Variants in CORO7 observed in about 807,000 individuals in gnomAD.
CORO7 encodes coronin 7.
Under a neutral mutation model 126.6 loss-of-function variants are expected in CORO7, and 107 were observed. The ratio of observed to expected loss-of-function variants is 0.85; its 90% CI spans 0.72 to 0.99. CORO7 has a LOEUF of 0.99. Among genes scored for constraint, CORO7 ranks in the 50% least tolerant of loss-of-function variants. The probability of loss-of-function intolerance (pLI) is 0.00; values close to 1 mark genes in which losing one functional copy is unlikely to be tolerated. For missense variants in CORO7, 1,314 were observed against 1,255.8 expected, an observed-to-expected ratio of 1.05 and a Z score of -0.70; for synonymous variants, 603 against 536.8, an observed-to-expected ratio of 1.12 and a Z score of -1.70.
At position 4,388,084 on chromosome 16, in the gene CORO7, G is replaced by GAGAGGGGATC. The variant is rs2055257586; in HGVS notation, c.703-17_703-16insGATCCCCTCT. 5.6e-6 allele frequency: 9 copies of GAGAGGGGATC among 1,607,452 alleles called. No homozygotes were observed. Among genetic ancestry groups the GAGAGGGGATC allele is most frequent in the Non-Finnish European group, 7.6e-6 (9 of 1,177,460 alleles). ...GCTCACGCATCTGCAGGGAGGGCGA[G>GAGAGGGGATC]AGAGGGGCTCAGAGGGGCCTGTCCC... On this transcript the variant is annotated splice_polypyrimidine_tract_variant and intron_variant, in intron 8 of 27. Transcript: ENST00000251166.
At chr16:4,367,918 G>C (rs965488454) in intron 9 of CORO7, among the ~76,000 whole-genome samples, 2 of 152,174 alleles carry the variant, frequency 1.3e-5, no homozygotes, top group African/African-American at 4.8e-5. Flanking sequence ...GGCTAGGCCA[G>C]GCCTAGTGAC....
At chr16:4,410,948 G>C (rs2056183179) in intron 3 of CORO7, among the ~76,000 whole-genome samples, 2 of 152,238 alleles carry the variant, frequency 1.3e-5, no homozygotes, top group African/African-American at 4.8e-5. Context: ...CTGCCACAGA[G>C]GCAGGAAGCA....
chr16:4,356,958 A>G (rs1361267861), intron 26 of CORO7: 1 of 666,394 alleles, frequency 1.5e-6, no homozygotes. Flanking sequence ...TGGCCTGGCC[A>G]GGGCAGGGCT....
chr16:4,375,078 G>C (rs1192765511), intron 9 of CORO7, among the ~76,000 whole-genome samples: 1 of 152,072 alleles, frequency 6.6e-6, no homozygotes, highest in Non-Finnish European at 1.5e-5. Context: ...AGGGCCACAG[G>C]TGTCCTCCCT....
intron 9 of CORO7, among the ~76,000 whole-genome samples, chr16:4,384,937 G>A (rs1288658089): frequency 6.6e-6 from 1 of 151,960 alleles, no homozygotes; most frequent in African/African-American, 2.4e-5. Flanking sequence ...TCACTGCAAA[G>A]CAAACCTGGC....
intron 9 of CORO7, among the ~76,000 whole-genome samples, chr16:4,379,190 G>T (rs898143581): frequency 1.2e-4 from 18 of 152,110 alleles, no homozygotes; most frequent in Admixed American, 1.2e-3. Flanking sequence ...CAGCCTGTGT[G>T]GGGGAAGGGG....
chr16:4,354,933 A>G lies in CORO7; in HGVS notation c.*225T>C. 2.1e-6 allele frequency: 1 copy of G among 479,342 alleles called. No homozygotes were observed. Among genetic ancestry groups the G allele is most frequent in the Non-Finnish European group, 3.6e-6 (1 of 276,178 alleles). The allele number at this position is 479,342 out of a possible 1,614,324, so 29.7% of individuals were successfully genotyped here. A position where few individuals can be genotyped will look rare whatever the true frequency, so the allele number is the denominator to read the frequency against. ...CACCCTGCACCCCTGGCCACATGCT[A>G]GCGGGCAGCTGATGAGCAGCAGCTG... On this transcript the variant is annotated 3_prime_UTR_variant, in exon 28 of 28. Transcript: ENST00000251166.
intron 9 of CORO7, chr16:4,381,167 A>G: frequency 6.2e-7 from 1 of 1,611,604 alleles, no homozygotes; most frequent in Non-Finnish European, 8.5e-7. Flanking sequence ...GGGGTCTTCC[A>G]GCCACTCGCC....
At chr16:4,394,349 T>C (rs1295261496) in intron 7 of CORO7, among the ~76,000 whole-genome samples, 1 of 150,096 alleles carries the variant, frequency 6.7e-6, no homozygotes, top group African/African-American at 2.5e-5. Flanking sequence ...CTCGGGAGGC[T>C]GAGGTGAGAG....
intron 6 of CORO7, among the ~76,000 whole-genome samples, chr16:4,400,758 T>G (rs1260145797): frequency 6.6e-6 from 1 of 151,144 alleles, no homozygotes; most frequent in Non-Finnish European, 1.5e-5. Context: ...AGGCGGAGAT[T>G]GCAGTGAGCT....
intron 14 of CORO7, 104 bp downstream of exon 14, chr16:4,364,172 T>A: frequency 7.3e-7 from 1 of 1,367,228 alleles, no homozygotes; most frequent in Non-Finnish European, 9.4e-7. Context: ...GGTGACAGAG[T>A]GAGACACTGT....
chr16:4,369,969 G>A (rs1189825756), intron 9 of CORO7, among the ~76,000 whole-genome samples: 1 of 152,162 alleles, frequency 6.6e-6, no homozygotes, highest in Non-Finnish European at 1.5e-5. Flanking sequence ...TCTCCTAAAA[G>A]CTTCCCTTGA....
intron 9 of CORO7, among the ~76,000 whole-genome samples, chr16:4,368,113 G>A (rs1258114221): frequency 1.3e-5 from 2 of 152,032 alleles, no homozygotes; most frequent in Non-Finnish European, 2.9e-5. Flanking sequence ...TTGGGAGGCC[G>A]AGGTGGGTGG....
At chr16:4,378,992 C>T (rs2141237906) in intron 9 of CORO7, among the ~76,000 whole-genome samples, 1 of 152,220 alleles carries the variant, frequency 6.6e-6, no homozygotes, top group South Asian at 2.1e-4. Flanking sequence ...CTTCCTTCAC[C>T]TCGAGCTACC....
chr16:4,404,111 G>A (rs1331921644), intron 6 of CORO7, among the ~76,000 whole-genome samples: 1 of 152,224 alleles, frequency 6.6e-6, no homozygotes, highest in African/African-American at 2.4e-5. Flanking sequence ...CACAAAAGCA[G>A]AGTACAGAAA....
rs1449531311 is a variant in CORO7 at position 4,361,798 on chromosome 16, C to T, written c.1578+187G>A. The T allele has an allele frequency of 5.1e-6, 5 of 985,900 alleles. No homozygotes were observed. In the African/African-American group the frequency reaches 6.4e-5, roughly 13 times the overall value. The allele number at this position is 985,900 out of a possible 1,614,324, so 61.1% of individuals were successfully genotyped here. ...ACTAAACCTCTCTGTGCCTCTTCTC[C>T]CTCATCTGTAAAATGGGGATAAAAG... On this transcript the variant is annotated intron_variant, in intron 16 of 27. Transcript: ENST00000251166.
intron 5 of CORO7, 36 bp downstream of exon 5, chr16:4,407,465 G>A: frequency 6.4e-7 from 1 of 1,551,746 alleles, no homozygotes; most frequent in Non-Finnish European, 8.7e-7. Flanking sequence ...CCAGAGTGGG[G>A]CTGCCCTGGG....
Position 4,397,730 on chromosome 16 carries a change from C to G in CORO7, c.565-2391G>C, listed in dbSNP as rs372575929. Among the ~76,000 whole-genome samples the G allele has an allele frequency of 2.6e-5, 4 of 152,228 alleles. No homozygotes were observed. The South Asian group carries it at 8.3e-4, about 32-fold the overall frequency. On this transcript the variant is annotated intron_variant, in intron 6 of 27. Coordinates refer to ENST00000251166, the MANE Select transcript of CORO7 (RefSeq NM_024535.5). The stretch of plus-strand genomic sequence containing the variant: ...CCGGGTTCAAGCGATTCTCCTGCCT[C>G]AGCCTCCCGAGTAGCTGGGATTACA...
Position 4,355,166 on chromosome 16 carries a change from G to C in CORO7, c.2773-3C>G. ...GGTGACGGGGGCGCAGGCTAGTCCT[G>C]GGGCGAAACACCAAGAGGTGGGAGG... On this transcript the variant is annotated splice_region_variant and splice_polypyrimidine_tract_variant and intron_variant, in intron 27 of 27. Transcript: ENST00000251166. 1 of 1,536,428 alleles carries C rather than the reference G, an allele frequency of 6.5e-7. No homozygotes were observed. Among genetic ancestry groups the C allele is most frequent in the Non-Finnish European group, 8.8e-7 (1 of 1,137,626 alleles).
Sources: gnomAD v4.1 joint callset for allele counts (sites outside exome capture counted in the v4.1 genomes callset) on GRCh38, gnomAD v4.1.1 for gene constraint, MANE v1.5 for transcripts, NCBI Gene and HGNC (gene_info 2026-07-23, HGNC 2026-07-21) for gene names.